The following CACNG3 variants were observed in gnomAD, a reference collection of about 807,000 sequenced individuals.
CACNG3 encodes the protein voltage-dependent calcium channel gamma-3 subunit.
CACNG3 carries 3 observed loss-of-function variants against 28.5 expected under a neutral mutation model. That is an observed-to-expected ratio of 0.11 (90% CI 0.05 to 0.27). The LOEUF (loss-of-function observed/expected upper bound fraction) is 0.27. Ranked by LOEUF, CACNG3 falls within the 10% of genes least tolerant of loss-of-function variation. The pLI is 1.00. For synonymous variants in CACNG3, 174 were observed against 162.2 expected, an observed-to-expected ratio of 1.07 and a Z score of -0.55; for missense variants, 236 against 414.4, an observed-to-expected ratio of 0.57 and a Z score of 3.74.
At chr16:24,296,348 C>A (rs919782491) in intron 1 of CACNG3, among the ~76,000 whole-genome samples, 1 of 152,214 alleles carries the variant, frequency 6.6e-6, no homozygotes, top group Admixed American at 6.5e-5. Context: ...TCTTCCAGAC[C>A]TGCATAGCAA....
At chr16:24,299,670 G>C (rs1016059431) in intron 1 of CACNG3, among the ~76,000 whole-genome samples, 2 of 152,102 alleles carry the variant, frequency 1.3e-5, no homozygotes, top group Admixed American at 6.6e-5. Flanking sequence ...TCTATCTTAA[G>C]CTGAACATGA....
chr16:24,342,258 A>G (rs1437989900), intron 1 of CACNG3, among the ~76,000 whole-genome samples: 2 of 152,070 alleles, frequency 1.3e-5, no homozygotes, highest in Admixed American at 1.3e-4. Flanking sequence ...ACAAAGCAAG[A>G]CTCCATCTCA....
At chr16:24,271,475 C>G (rs993733250) in intron 1 of CACNG3, among the ~76,000 whole-genome samples, 3 of 152,206 alleles carry the variant, frequency 2.0e-5, no homozygotes, top group Non-Finnish European at 4.4e-5. Flanking sequence ...TGGGCAGCCC[C>G]TTCCCAACTC....
At chr16:24,316,455 T>G (rs1219077760) in intron 1 of CACNG3, among the ~76,000 whole-genome samples, 1 of 152,084 alleles carries the variant, frequency 6.6e-6, no homozygotes, top group Non-Finnish European at 1.5e-5. Context: ...TCTGTGAGTC[T>G]GTGTTCTCTC....
intron 1 of CACNG3, among the ~76,000 whole-genome samples, chr16:24,324,910 G>C (rs1318835092): frequency 1.3e-5 from 2 of 152,040 alleles, no homozygotes; most frequent in African/African-American, 4.8e-5. Flanking sequence ...AGGCCACACA[G>C]CTCTCTCAAA....
At chr16:24,352,673 G>A (rs939909805) in intron 2 of CACNG3, among the ~76,000 whole-genome samples, 1 of 152,114 alleles carries the variant, frequency 6.6e-6, no homozygotes, top group African/African-American at 2.4e-5. Flanking sequence ...CCAAGCAGCT[G>A]AGAACACAAG....
intron 1 of CACNG3, among the ~76,000 whole-genome samples, chr16:24,299,100 C>T (rs921314369): frequency 2.6e-5 from 4 of 152,086 alleles, no homozygotes; most frequent in African/African-American, 9.7e-5. Flanking sequence ...TATGCACAGC[C>T]CACACTTAAG....
At chr16:24,300,828 C>A (rs1899098897) in intron 1 of CACNG3, among the ~76,000 whole-genome samples, 1 of 151,964 alleles carries the variant, frequency 6.6e-6, no homozygotes, top group Non-Finnish European at 1.5e-5. Context: ...CTAAGGGGGG[C>A]AGATCACAAG....
rs538112909 is a variant in CACNG3 at position 24,307,432 on chromosome 16, A to G, written c.212-39302A>G. On this transcript the variant is annotated intron_variant, in intron 1 of 3. Coordinates refer to ENST00000005284, the MANE Select transcript of CACNG3 (RefSeq NM_006539.4). ...CCACTTCAGCCAGCTTCCAAATGCC[A>G]TCTTGACTCGAGTCTCCACAGGACT... Among the ~76,000 whole-genome samples the G allele has an allele frequency of 2.6e-5, 4 of 152,246 alleles. No homozygotes were observed. The East Asian group carries it at 7.7e-4, about 29-fold the overall frequency.
At chr16:24,359,286 T>C (rs1024075523) in intron 3 of CACNG3, among the ~76,000 whole-genome samples, 10 of 152,158 alleles carry the variant, frequency 6.6e-5, no homozygotes, top group Non-Finnish European at 1.2e-4. Flanking sequence ...GTTATATCCA[T>C]GTTCATTTTA....
chr16:24,344,213 C>T (rs934294655), intron 1 of CACNG3, among the ~76,000 whole-genome samples: 1 of 152,032 alleles, frequency 6.6e-6, no homozygotes, highest in Non-Finnish European at 1.5e-5. Flanking sequence ...GGGTGGTTCA[C>T]CTGAGGTCAG....
chr16:24,361,552 T>C lies in CACNG3; in HGVS notation c.637T>C (p.Ser213Pro), dbSNP rs1567227757. The change falls in exon 4 of 4, where the codon TCG becomes CCG. Residue 213 changes from serine to proline, a missense_variant. Ser to Pro is a moderately conservative substitution (Grantham distance 74). Transcript: ENST00000005284. The surrounding 1 kb of genome is among the most constrained non-coding windows in gnomAD (Gnocchi z 6.8). The part of the protein sequence containing the change: ...KHQQLRAKSH[S>P]EFLKKSTFAR... ...TCAGCAGTTACGAGCCAAATCCCAC[T>C]CGGAGTTCCTGAAGAAATCTACTTT... 1.2e-6 allele frequency: 2 copies of C among 1,613,988 alleles called. No homozygotes were observed. The highest frequency in any genetic ancestry group is 1.3e-5 in the African/African-American group (1 of 74,960).
At chr16:24,257,715 G>T (rs1490334984) in intron 1 of CACNG3, among the ~76,000 whole-genome samples, 2 of 152,066 alleles carry the variant, frequency 1.3e-5, no homozygotes, top group Non-Finnish European at 2.9e-5. Context: ...CCCCTAAAAA[G>T]GTATTTCCAT....
At chr16:24,293,868 G>A (rs1898996876) in intron 1 of CACNG3, among the ~76,000 whole-genome samples, 1 of 152,104 alleles carries the variant, frequency 6.6e-6, no homozygotes, top group Admixed American at 6.5e-5. Flanking sequence ...CCAAGACCCT[G>A]CATCTGGTTT....
chr16:24,302,355 C>T (rs1470875221), intron 1 of CACNG3, among the ~76,000 whole-genome samples: 1 of 152,204 alleles, frequency 6.6e-6, no homozygotes, highest in South Asian at 2.1e-4. Context: ...GAGTATACAG[C>T]GTCCCCTGGG....
chr16:24,309,064 C>A (rs931707894), intron 1 of CACNG3, among the ~76,000 whole-genome samples: 1 of 152,022 alleles, frequency 6.6e-6, no homozygotes, highest in South Asian at 2.1e-4. Flanking sequence ...AGCAATCTGC[C>A]TAAGGTTACA....
intron 1 of CACNG3, among the ~76,000 whole-genome samples, chr16:24,262,949 T>C (rs1898555063): frequency 6.6e-6 from 1 of 152,142 alleles, no homozygotes; most frequent in Non-Finnish European, 1.5e-5. Flanking sequence ...AAACAAGAAC[T>C]TAGGCAAAAA....
intron 1 of CACNG3, among the ~76,000 whole-genome samples, chr16:24,261,359 C>T (rs566615303): frequency 6.6e-6 from 1 of 152,292 alleles, no homozygotes; most frequent in East Asian, 1.9e-4. Context: ...ATGACTACTA[C>T]TTGGCTTGAT....
At chr16:24,342,615 T>C (rs978964099) in intron 1 of CACNG3, among the ~76,000 whole-genome samples, 1 of 152,240 alleles carries the variant, frequency 6.6e-6, no homozygotes, top group Non-Finnish European at 1.5e-5. Context: ...AACTCTGTTA[T>C]AGTGGCATCA....
Sources: gnomAD v4.1 joint callset for allele counts (sites outside exome capture counted in the v4.1 genomes callset) on GRCh38, gnomAD v4.1.1 for gene constraint, Gnocchi (gnomAD v3.1) non-coding constraint, MANE v1.5 for transcripts, NCBI Gene and HGNC (gene_info 2026-07-23, HGNC 2026-07-21) for gene names.